BBX: variants seen among roughly 807,000 people sequenced by gnomAD.
BBX encodes the protein BBX high mobility group box domain containing.
A neutral mutation model predicts 100.2 loss-of-function variants in BBX; 30 were observed. The ratio of observed to expected loss-of-function variants is 0.30; its 90% CI spans 0.22 to 0.41. The LOEUF (loss-of-function observed/expected upper bound fraction) is 0.41, where lower values mean the gene tolerates loss of function less well. Ranked by LOEUF, BBX falls within the 10% of genes least tolerant of loss-of-function variation. The pLI is 1.00. For synonymous variants in BBX, 376 were observed against 388.1 expected (o/e 0.97, Z 0.37); for missense variants, 1,023 against 1,129.8 (o/e 0.91, Z 1.35).
In BBX at chr3:107,583,955, TTA is replaced by T. The variant is rs1396150116; in HGVS notation, c.-84+57565_-84+57566del. On this transcript the variant is annotated intron_variant, in intron 2 of 17. Coordinates refer to ENST00000325805, the MANE Select transcript of BBX (RefSeq NM_001142568.3). ...TATATATATTATATATATTATTATA[TTA>T]TATATATTATATATATTATTATATT... is the stretch of plus-strand genomic sequence containing the variant. 2.9e-4 allele frequency among the ~76,000 whole-genome samples: 19 copies of T among 65,904 alleles called. 1 individual carries two copies. The highest frequency in any genetic ancestry group is 2.7e-3 in the South Asian group (7 of 2,596). The allele number at this position is 65,904 out of a possible 152,430, so 43.2% of individuals were successfully genotyped here.
chr3:107,695,981 G>C lies in BBX; in HGVS notation c.-9-14471G>C, dbSNP rs542976630. Reference sequence around the variant, plus strand: ...TTCTTTGTCTCTTTTTATCTTTGTTGGTTTAAAGTCTGTTTTATCAGAGAC... The same window carrying C: ...TTCTTTGTCTCTTTTTATCTTTGTTCGTTTAAAGTCTGTTTTATCAGAGAC... On this transcript the variant is annotated intron_variant, in intron 3 of 17. Transcript: ENST00000325805. Among the ~76,000 whole-genome samples, 54 of 151,806 alleles carry C rather than the reference G, an allele frequency of 3.6e-4. 1 individual carries two copies. The highest frequency in any genetic ancestry group is 7.6e-4 in the Non-Finnish European group (52 of 68,008).
At chr3:107,757,536 C>G (rs1392025644) in intron 10 of BBX, among the ~76,000 whole-genome samples, 1 of 152,114 alleles carries the variant, frequency 6.6e-6, no homozygotes, top group African/African-American at 2.4e-5. Context: ...TTTGATTAAA[C>G]AGAATCCCTA....
At chr3:107,527,925 A>G (rs1377621280) in intron 2 of BBX, among the ~76,000 whole-genome samples, 1 of 152,216 alleles carries the variant, frequency 6.6e-6, no homozygotes, top group Non-Finnish European at 1.5e-5. Context: ...TATTTTGTTC[A>G]TTGCAACAAA....
intron 2 of BBX, among the ~76,000 whole-genome samples, chr3:107,610,372 A>G (rs561768456): frequency 6.6e-6 from 1 of 152,216 alleles, no homozygotes; most frequent in East Asian, 1.9e-4. Context: ...CATTAGGTTC[A>G]TTTGATCTGT....
In BBX at chr3:107,552,388, A is replaced by T. The variant is rs2049774512; in HGVS notation, c.-84+25990A>T. ...AAAAAAAAAAAGGGATTGCTCTTGGACTTGGTCTGATCCTCTGCTCATGTT... is the reference window on the plus strand; with the variant it reads ...AAAAAAAAAAAGGGATTGCTCTTGGTCTTGGTCTGATCCTCTGCTCATGTT... On this transcript the variant is annotated intron_variant, in intron 2 of 17. Coordinates refer to ENST00000325805, the MANE Select transcript of BBX (RefSeq NM_001142568.3). Among the ~76,000 whole-genome samples, 4 of 144,254 alleles carry T rather than the reference A, an allele frequency of 2.8e-5. No homozygotes were observed. In the South Asian group the frequency reaches 8.9e-4, roughly 32 times the overall value. The allele number at this position is 144,254 out of a possible 152,430, so 94.6% of individuals were successfully genotyped here.
chr3:107,655,171 A>T (rs1022919425), intron 3 of BBX, among the ~76,000 whole-genome samples: 1 of 152,182 alleles, frequency 6.6e-6, no homozygotes, highest in African/African-American at 2.4e-5. Flanking sequence ...ATTTCTTAAA[A>T]TATTTTCTGT....
chr3:107,693,520 G>A (rs563694374), intron 3 of BBX, among the ~76,000 whole-genome samples: 90 of 151,330 alleles, frequency 5.9e-4, no homozygotes, highest in Admixed American at 1.5e-3. Flanking sequence ...GATATGCGGC[G>A]TTATTTCTGA....
intron 3 of BBX, among the ~76,000 whole-genome samples, chr3:107,686,756 A>G (rs549473564): frequency 5.3e-5 from 8 of 152,246 alleles, no homozygotes; most frequent in African/African-American, 1.7e-4. Context: ...GGCCATGTTT[A>G]TTACTTGTCT....
chr3:107,706,444 G>A lies in BBX; in HGVS notation c.-9-4008G>A, dbSNP rs143067860. On this transcript the variant is annotated intron_variant, in intron 3 of 17. Transcript: ENST00000325805. ...CTGTCCTGCCATACACAGAAAGGGG[G>A]CAAAGGGGGTACACATGGGTTGGTT... Among the ~76,000 whole-genome samples the A allele has an allele frequency of 5.3e-5, 8 of 152,178 alleles. No homozygotes were observed. In the East Asian group the frequency reaches 1.5e-3, roughly 29 times the overall value.
chr3:107,716,989 G>A (rs556857488), intron 5 of BBX, 140 bp downstream of exon 5: 25 of 1,103,514 alleles, frequency 2.3e-5, no homozygotes, highest in African/African-American at 9.5e-5. Flanking sequence ...AAACATAACC[G>A]CTTTCTTTGT....
At chr3:107,712,086 A>C (rs867705580) in intron 4 of BBX, among the ~76,000 whole-genome samples, 1 of 152,168 alleles carries the variant, frequency 6.6e-6, no homozygotes, top group Non-Finnish European at 1.5e-5. Flanking sequence ...TATGTTGCCC[A>C]GGCTGGTCTG....
intron 1 of BBX, 136 bp downstream of exon 1, chr3:107,523,243 G>A: frequency 4.4e-6 from 1 of 225,336 alleles, no homozygotes; most frequent in South Asian, 5.1e-5. Context: ...GGCGGCGGCG[G>A]CGGCAGCCGG....
chr3:107,692,326 T>C (rs957035306), intron 3 of BBX, among the ~76,000 whole-genome samples: 1 of 152,050 alleles, frequency 6.6e-6, no homozygotes. Flanking sequence ...CGTATACCTC[T>C]CAATGCTATC....
intron 16 of BBX, among the ~76,000 whole-genome samples, chr3:107,799,783 G>T (rs973307784): frequency 4.2e-4 from 64 of 152,146 alleles, no homozygotes; most frequent in Non-Finnish European, 5.9e-5. Context: ...ATGGCCTGTT[G>T]TCTGTTTGCT....
Position 107,523,640 on chromosome 3 carries a change from A to G in BBX, c.-156+533A>G, listed in dbSNP as rs896430912. 1.8e-4 allele frequency: 27 copies of G among 152,280 alleles called. 1 individual carries two copies. The East Asian group carries it at 5.3e-3, about 30-fold the overall frequency. 9.4% of individuals were successfully genotyped at this position (152,280 alleles called of 1,614,324 possible). A position where few individuals can be genotyped will look rare whatever the true frequency, so the allele number is the denominator to read the frequency against. ...GGCCGCCCGGGGAGCCCCAAACTTC[A>G]TCTCGGCGAAAGTACGTGGAGCCCT... is the stretch of plus-strand genomic sequence containing the variant. On this transcript the variant is annotated intron_variant, in intron 1 of 17. Coordinates refer to ENST00000325805, the MANE Select transcript of BBX (RefSeq NM_001142568.3).
chr3:107,717,000 A>T, intron 5 of BBX, 151 bp downstream of exon 5: 1 of 1,033,924 alleles, frequency 9.7e-7, no homozygotes, highest in Non-Finnish European at 1.4e-6. Flanking sequence ...CTTTCTTTGT[A>T]TGACTTGTTC....
intron 2 of BBX, among the ~76,000 whole-genome samples, chr3:107,557,299 T>C (rs2050155839): frequency 6.6e-6 from 1 of 152,228 alleles, no homozygotes; most frequent in African/African-American, 2.4e-5. Context: ...GATTATTCCA[T>C]TTTGAGAAGT....
chr3:107,572,715 A>T (rs900325156), intron 2 of BBX, among the ~76,000 whole-genome samples: 2 of 152,218 alleles, frequency 1.3e-5, no homozygotes, highest in Non-Finnish European at 2.9e-5. Flanking sequence ...AAGTATGACT[A>T]GGAAAGCTAA....
intron 3 of BBX, among the ~76,000 whole-genome samples, chr3:107,652,011 C>T (rs1027853792): frequency 6.6e-6 from 1 of 152,152 alleles, no homozygotes; most frequent in Non-Finnish European, 1.5e-5. Flanking sequence ...GAATTCTCTC[C>T]CTTGGACACC....
Sources: gnomAD v4.1 joint callset for allele counts (sites outside exome capture counted in the v4.1 genomes callset) on GRCh38, gnomAD v4.1.1 for gene constraint, MANE v1.5 for transcripts, NCBI Gene and HGNC (gene_info 2026-07-23, HGNC 2026-07-21) for gene names.